Variants in SARDH observed in about 807,000 individuals in gnomAD.
The protein encoded by SARDH is sarcosine dehydrogenase, mitochondrial.
Under a neutral mutation model 109.1 loss-of-function variants are expected in SARDH, and 95 were observed. The ratio of observed to expected loss-of-function variants is 0.87; its 90% CI spans 0.74 to 1.03. SARDH has a LOEUF of 1.03. Ranked by LOEUF, SARDH falls within the 50% of genes least tolerant of loss-of-function variation. The pLI is 0.00. For missense variants in SARDH, 1,267 were observed against 1,287.8 expected, an observed-to-expected ratio of 0.98 and a Z score of 0.25; for synonymous variants, 572 against 534.8, an observed-to-expected ratio of 1.07 and a Z score of -0.96.
At chr9:133,715,542 C>A (rs1194992744) in intron 8 of SARDH, among the ~76,000 whole-genome samples, 1 of 152,138 alleles carries the variant, frequency 6.6e-6, no homozygotes, top group Admixed American at 6.5e-5. Context: ...CCATAGGAGT[C>A]GAATTCATTC....
chr9:133,698,762 A>G (rs140165255), intron 13 of SARDH, among the ~76,000 whole-genome samples: 1 of 152,302 alleles, frequency 6.6e-6, no homozygotes, highest in East Asian at 1.9e-4. Context: ...ACGCCATGCA[A>G]AAAAAATTAA....
At chr9:133,734,391 ATT>A (rs1250269431) in intron 1 of SARDH, among the ~76,000 whole-genome samples, 188 bp from the exon 2 acceptor site, 1 of 148,690 alleles carries the variant, frequency 6.7e-6, no homozygotes, top group African/African-American at 2.6e-5. Flanking sequence ...TCATTCATTC[ATT>A]CACTCATTCA....
At position 133,692,716 on chromosome 9, in the gene SARDH, G is replaced by A. The variant is rs993260000; in HGVS notation, c.1921+1542C>T. Among the ~76,000 whole-genome samples, 93 of 152,158 alleles carry A rather than the reference G, an allele frequency of 6.1e-4. 1 individual carries two copies. The highest frequency in any genetic ancestry group is 2.0e-3 in the African/African-American group (83 of 41,504). On this transcript the variant is annotated intron_variant, in intron 15 of 20. Transcript: ENST00000439388. The surrounding 1 kb of genome is among the most constrained non-coding windows in gnomAD (Gnocchi z 5.0). ...CCACCGGCCTCCTTCACCTCCTCCC[G>A]ACCCTGGCTACCTGGTGCTTCCACA...
intron 8 of SARDH, 82 bp downstream of exon 8, chr9:133,717,243 TG>T: frequency 6.5e-7 from 1 of 1,537,938 alleles, no homozygotes; most frequent in Middle Eastern, 1.7e-4. Context: ...TGACACAGGC[TG>T]GTCTCACGGG....
At chr9:133,707,595 G>T (rs186426096) in intron 11 of SARDH, among the ~76,000 whole-genome samples, 2 of 152,086 alleles carry the variant, frequency 1.3e-5, no homozygotes, top group African/African-American at 4.8e-5. Flanking sequence ...TTGCCTCCCC[G>T]CCCATCCATC....
chr9:133,698,013 AAAAAAAAAG>A (rs917344620), intron 13 of SARDH, among the ~76,000 whole-genome samples: 2 of 150,520 alleles, frequency 1.3e-5, no homozygotes, highest in Admixed American at 6.6e-5. Flanking sequence ...ATCCACTAAA[AAAAAAAAAG>A]AAAAAAAAGA....
intron 8 of SARDH, among the ~76,000 whole-genome samples, chr9:133,714,249 G>T (rs2131454146): frequency 6.6e-6 from 1 of 152,330 alleles, no homozygotes; most frequent in Middle Eastern, 3.4e-3. Flanking sequence ...CCCACGCTAG[G>T]AGCTGAGGGG....
At chr9:133,730,317 C>A (rs542620164) in intron 4 of SARDH, 130 bp from the exon 5 acceptor site, 27 of 1,235,052 alleles carry the variant, frequency 2.2e-5, no homozygotes, top group Non-Finnish European at 2.9e-5. Context: ...AGGTCCCCTG[C>A]GACACTGTCA....
Position 133,709,007 on chromosome 9 carries a change from G to A in SARDH, c.1329-579C>T, listed in dbSNP as rs904575606. ...GTCTGTGATCCCAAAGCTGGGCCTC[G>A]TCTGTGGGTCAGACCAGGGACCCAA... On this transcript the variant is annotated intron_variant, in intron 10 of 20. Transcript: ENST00000439388. The surrounding 1 kb of genome is among the most constrained non-coding windows in gnomAD (Gnocchi z 4.2). 2.0e-5 allele frequency among the ~76,000 whole-genome samples: 3 copies of A among 152,132 alleles called. No homozygotes were observed. Among genetic ancestry groups the A allele is most frequent in the African/African-American group, 4.8e-5 (2 of 41,382 alleles).
At chr9:133,732,825 A>G (rs1040012996) in intron 2 of SARDH, among the ~76,000 whole-genome samples, 1 of 152,102 alleles carries the variant, frequency 6.6e-6, no homozygotes, top group Non-Finnish European at 1.5e-5. Context: ...AGAGTGACAT[A>G]GCAAAGGCCC....
At chr9:133,722,363 A>G (rs1832354022) in intron 6 of SARDH, among the ~76,000 whole-genome samples, 1 of 152,128 alleles carries the variant, frequency 6.6e-6, no homozygotes, top group Non-Finnish European at 1.5e-5. Flanking sequence ...GAACTTCCTC[A>G]AAGTGCTGAA....
intron 14 of SARDH, 106 bp from the exon 15 acceptor site, chr9:133,694,477 G>A: frequency 2.2e-6 from 2 of 929,900 alleles, no homozygotes; most frequent in Non-Finnish European, 3.4e-6. Context: ...TGTCACGGAG[G>A]CTGGATAACC....
At chr9:133,715,290 G>C (rs1219973652) in intron 8 of SARDH, among the ~76,000 whole-genome samples, 2 of 152,214 alleles carry the variant, frequency 1.3e-5, no homozygotes, top group Admixed American at 1.3e-4. Context: ...GCTTCGTGGG[G>C]AGTACCGGCT....
rs749190269 is a variant in SARDH, at chr9:133,671,702, G to A, written c.2164-5C>T. The A allele has an allele frequency of 1.3e-6, 2 of 1,564,590 alleles. No individual in the cohort carries two copies. The highest frequency in any genetic ancestry group is 1.7e-6 in the Non-Finnish European group (2 of 1,154,766). Reference sequence around the variant, plus strand: ...GGACAGCCGCATGGCTCGGACCTGGGGGACAAGGTCATGGCTTAGATGTGG... The same window carrying A: ...GGACAGCCGCATGGCTCGGACCTGGAGGACAAGGTCATGGCTTAGATGTGG... On this transcript the variant is annotated splice_polypyrimidine_tract_variant and splice_region_variant and intron_variant, in intron 17 of 20. Coordinates refer to ENST00000439388, the MANE Select transcript of SARDH (RefSeq NM_001134707.2).
intron 10 of SARDH, 111 bp from the exon 11 acceptor site, chr9:133,708,539 T>C: frequency 7.2e-7 from 1 of 1,381,696 alleles, no homozygotes. Flanking sequence ...AGAGTCCCCT[T>C]TGTGGCTCAG....
intron 8 of SARDH, 67 bp downstream of exon 8, chr9:133,717,259 C>A: frequency 6.3e-7 from 1 of 1,581,226 alleles, no homozygotes; most frequent in Non-Finnish European, 8.6e-7. Flanking sequence ...CACGGGGCAT[C>A]ACTACTAACA....
At chr9:133,727,814 T>C (rs1040243409) in intron 6 of SARDH, among the ~76,000 whole-genome samples, 3 of 152,146 alleles carry the variant, frequency 2.0e-5, no homozygotes, top group African/African-American at 7.2e-5. Context: ...AGGGGGCAGC[T>C]GCAGGGACCT....
rs1343516710 is a variant in SARDH at position 133,691,243 on chromosome 9, G to C, written c.1922-716C>G. On this transcript the variant is annotated intron_variant, in intron 15 of 20. Transcript: ENST00000439388. ...CCACTCTCAGGCCCCTGGCTCCTGA[G>C]TGGCCCCCCCAGTCTGCAGCCATCC... is the stretch of plus-strand genomic sequence containing the variant. Among the ~76,000 whole-genome samples the C allele has an allele frequency of 2.7e-5, 4 of 150,044 alleles. No individual in the cohort carries two copies. The East Asian group carries it at 7.9e-4, about 29-fold the overall frequency.
At chr9:133,700,213 G>A (rs1831431195) in intron 13 of SARDH, among the ~76,000 whole-genome samples, 1 of 152,194 alleles carries the variant, frequency 6.6e-6, no homozygotes, top group South Asian at 2.1e-4. Context: ...TGTAATCCCA[G>A]CTACTTGGGA....
Sources: allele counts gnomAD v4.1 joint callset (sites outside exome capture counted in the v4.1 genomes callset), GRCh38; gene constraint gnomAD v4.1.1; non-coding constraint Gnocchi (gnomAD v3.1); transcripts MANE v1.5; gene names NCBI Gene and HGNC (gene_info 2026-07-23, HGNC 2026-07-21).